Variants in GRID2 observed in about 807,000 individuals in gnomAD.
GRID2 encodes the protein glutamate receptor ionotropic, delta-2.
Under a neutral mutation model 114.8 loss-of-function variants are expected in GRID2, and 33 were observed. The observed-to-expected ratio is 0.29, with a 90% confidence interval of 0.22 to 0.38. The LOEUF (loss-of-function observed/expected upper bound fraction) is 0.38. Among genes scored for constraint, GRID2 ranks in the 10% least tolerant of loss-of-function variants. The pLI is 1.00. For missense variants in GRID2, 1,184 were observed against 1,257.7 expected, an observed-to-expected ratio of 0.94 and a Z score of 0.89; for synonymous variants, 505 against 449.9, an observed-to-expected ratio of 1.12 and a Z score of -1.55.
rs555643572 is a variant in GRID2 at position 92,535,901 on chromosome 4, C to T, written c.89-54230C>T. ...TGGTGAGCGTTACAGCTCATAAAGGCGGCCGCATCTGGACTTGTTCTCCTC... is the reference window on the plus strand; with the variant it reads ...TGGTGAGCGTTACAGCTCATAAAGGTGGCCGCATCTGGACTTGTTCTCCTC... On this transcript the variant is annotated intron_variant, in intron 1 of 15. Coordinates refer to ENST00000282020, the MANE Select transcript of GRID2 (RefSeq NM_001510.4). 2.0e-4 allele frequency among the ~76,000 whole-genome samples: 31 copies of T among 152,234 alleles called. 1 individual carries two copies. Among genetic ancestry groups the T allele is most frequent in the Admixed American group, 1.6e-3 (24 of 15,290 alleles).
intron 2 of GRID2, among the ~76,000 whole-genome samples, chr4:92,631,653 C>T (rs549252735): frequency 6.6e-6 from 1 of 151,930 alleles, no homozygotes; most frequent in Non-Finnish European, 1.5e-5. Context: ...TTTTATTTAA[C>T]TTGGGTTGCA....
In GRID2 at chr4:93,490,763, T is replaced by A; in HGVS notation, c.1983T>A (p.Ile661=). The change falls in exon 12 of 16, where the codon ATT becomes ATA. Residue 661 remains isoleucine (I), a synonymous_variant. Transcript: ENST00000282020. ...NLAAFLTITR[I]ESSIQSLQDL... is the part of the protein sequence containing the mutation. ...CTGCTTTCCTCACTATTACACGCAT[T>A]GAAAGTTCCATCCAGTAAGTAAACA... 2.5e-6 allele frequency: 4 copies of A among 1,607,580 alleles called. No individual in the cohort carries two copies. Among genetic ancestry groups the A allele is most frequent in the Non-Finnish European group, 2.6e-6 (3 of 1,175,798 alleles).
At chr4:92,343,691 A>T (rs541758538) in intron 1 of GRID2, among the ~76,000 whole-genome samples, 35 of 152,132 alleles carry the variant, frequency 2.3e-4, no homozygotes, top group Non-Finnish European at 2.6e-4. Flanking sequence ...CTCCTGCCTC[A>T]TCCTCCCGAG....
chr4:93,233,341 T>A (rs920766828), intron 7 of GRID2, among the ~76,000 whole-genome samples: 290 of 150,244 alleles, frequency 1.9e-3, no homozygotes, highest in African/African-American at 4.7e-3. Context: ...TATTATTTTT[T>A]TTTTTATTTT....
chr4:93,113,809 C>T (rs1291606908), intron 4 of GRID2, among the ~76,000 whole-genome samples: 3 of 151,920 alleles, frequency 2.0e-5, no homozygotes, highest in South Asian at 4.2e-4. Flanking sequence ...TTGAGTTGAG[C>T]GTTAAAGGAC....
intron 2 of GRID2, among the ~76,000 whole-genome samples, chr4:92,742,073 C>T (rs1320559413): frequency 4.0e-5 from 6 of 151,866 alleles, no homozygotes; most frequent in Non-Finnish European, 8.8e-5. Flanking sequence ...ATGAATTATA[C>T]TCTGATATAA....
intron 1 of GRID2, among the ~76,000 whole-genome samples, chr4:92,360,628 G>C (rs1413970611): frequency 2.0e-5 from 3 of 152,084 alleles, no homozygotes; most frequent in Admixed American, 6.6e-5. Flanking sequence ...TTGTTCAACG[G>C]TATCATGGAG....
chr4:92,587,993 CA>C, intron 1 of GRID2, among the ~76,000 whole-genome samples: 1 of 152,200 alleles, frequency 6.6e-6, no homozygotes. Context: ...TGCGAATAGA[CA>C]TTTAGATTAT....
At chr4:92,475,345 G>A (rs1302035063) in intron 1 of GRID2, among the ~76,000 whole-genome samples, 1 of 151,150 alleles carries the variant, frequency 6.6e-6, no homozygotes. Context: ...ATTGATTTCT[G>A]TATATGATGT....
chr4:92,505,306 T>A (rs1459432431), intron 1 of GRID2, among the ~76,000 whole-genome samples: 5 of 152,032 alleles, frequency 3.3e-5, no homozygotes, highest in African/African-American at 1.2e-4. Context: ...ATGGCCTGGA[T>A]TAAATGGCAA....
At chr4:92,712,836 A>G (rs898897666) in intron 2 of GRID2, among the ~76,000 whole-genome samples, 16 of 152,120 alleles carry the variant, frequency 1.1e-4, no homozygotes, top group African/African-American at 3.6e-4. Context: ...TACCATCAAT[A>G]ATTCCCTTGA....
chr4:93,398,557 A>G (rs1765576025), intron 9 of GRID2, among the ~76,000 whole-genome samples: 1 of 151,852 alleles, frequency 6.6e-6, no homozygotes, highest in Non-Finnish European at 1.5e-5. Flanking sequence ...TGTAGGTACA[A>G]TCATGTTAAA....
At chr4:93,232,710 C>T (rs201000148) in intron 7 of GRID2, among the ~76,000 whole-genome samples, 1 of 151,728 alleles carries the variant, frequency 6.6e-6, no homozygotes, top group Non-Finnish European at 1.5e-5. Context: ...AGTACCAGTA[C>T]ATTTTCTTAT....
At position 92,813,085 on chromosome 4, in the gene GRID2, T is replaced by C. The variant is rs536909234; in HGVS notation, c.244+222799T>C. 1.7e-4 allele frequency among the ~76,000 whole-genome samples: 26 copies of C among 152,256 alleles called. No individual in the cohort carries two copies. The South Asian group carries it at 3.1e-3, about 18-fold the overall frequency. On this transcript the variant is annotated intron_variant, in intron 2 of 15. Transcript: ENST00000282020. ...TTCCTTCAGACTCTATCTTGAAATG[T>C]CAAATCTTTATGCCCTGCAGTTCTT...
chr4:93,702,670 A>G (rs1358698962), intron 14 of GRID2, among the ~76,000 whole-genome samples: 1 of 152,168 alleles, frequency 6.6e-6, no homozygotes, highest in African/African-American at 2.4e-5. Context: ...AAGTGTTTGT[A>G]TCAATAGATA....
intron 8 of GRID2, among the ~76,000 whole-genome samples, chr4:93,392,806 C>G (rs17020544): frequency 0.15 from 23,213 of 151,850 alleles, 3,028 homozygotes; most frequent in African/African-American, 0.36. Context: ...AAAACAACAC[C>G]TCAATGAAAA....
chr4:92,330,730 C>T (rs2110142969), intron 1 of GRID2, among the ~76,000 whole-genome samples: 1 of 151,844 alleles, frequency 6.6e-6, no homozygotes, highest in South Asian at 2.1e-4. Flanking sequence ...ATATACATGT[C>T]ATTATAAAAT....
chr4:92,920,656 A>T (rs1749240578), intron 2 of GRID2, among the ~76,000 whole-genome samples: 1 of 152,134 alleles, frequency 6.6e-6, no homozygotes, highest in African/African-American at 2.4e-5. Context: ...TCTTTTCTTT[A>T]AGAATGTTGA....
chr4:93,429,347 G>A (rs1769177490), intron 10 of GRID2, among the ~76,000 whole-genome samples: 1 of 152,126 alleles, frequency 6.6e-6, no homozygotes, highest in South Asian at 2.1e-4. Flanking sequence ...TCTGCAAATT[G>A]CGCCCTTTAC....
Sources: allele counts gnomAD v4.1 joint callset (sites outside exome capture counted in the v4.1 genomes callset), GRCh38; gene constraint gnomAD v4.1.1; transcripts MANE v1.5; gene names NCBI Gene and HGNC (gene_info 2026-07-23, HGNC 2026-07-21).